The following PRSS55 variants were observed in gnomAD, a reference collection of about 807,000 sequenced individuals.
The protein encoded by PRSS55 is serine protease 55.
Under a neutral mutation model 23.6 loss-of-function variants are expected in PRSS55, and 41 were observed. The observed-to-expected ratio is 1.74, with a 90% CI of 1.35 to 2.26. The LOEUF is 2.26. Ranked by LOEUF, PRSS55 falls within the 30% of genes most tolerant of loss-of-function variation. The pLI is 0.00. For synonymous variants in PRSS55, 262 were observed against 175.5 expected (o/e 1.49, Z -3.90); for missense variants, 669 against 439.1 (o/e 1.52, Z -4.68).
At chr8:10,553,855 T>G in intron 4 of PRSS55, 1 of 839,804 alleles carries the variant, frequency 1.2e-6, no homozygotes, top group Non-Finnish European at 1.8e-6. Context: ...AGTAACCATT[T>G]CACAATGTAT....
chr8:10,543,443 C>T (rs1185024262), downstream of PRSS55, among the ~76,000 whole-genome samples: 2,921 of 19,274 alleles, frequency 0.15, 153 homozygotes, highest in South Asian at 0.29. Flanking sequence ...TTCCTTCCTT[C>T]CATCCTTCCT....
rs775870727 is a variant in PRSS55 at position 10,531,428 on chromosome 8, C to T, written c.481C>T (p.Leu161=). The T allele has an allele frequency of 1.2e-5, 20 of 1,614,116 alleles. No homozygotes were observed. The highest frequency in any genetic ancestry group is 1.5e-5 in the Non-Finnish European group (18 of 1,180,064). Residue 161 remains leucine, a synonymous_variant, in exon 3 of 5, where the codon CTG becomes TTG. Coordinates refer to ENST00000328655, the MANE Select transcript of PRSS55 (RefSeq NM_198464.4). ...ANMDNDIALL[L]LASPIKLDDL... Reference sequence around the variant, plus strand: ...CATGGACAATGACATTGCCTTGCTGCTGCTGGCTTCGCCCATCAAGCTCGA... The same window carrying T: ...CATGGACAATGACATTGCCTTGCTGTTGCTGGCTTCGCCCATCAAGCTCGA...
rs1812545920 is a variant in PRSS55, at chr8:10,538,697, C to T, written c.963C>T (p.Gly321=). 1 of 1,614,026 alleles carries T rather than the reference C, an allele frequency of 6.2e-7. No individual in the cohort carries two copies. Among genetic ancestry groups the T allele is most frequent in the Admixed American group, 1.7e-5 (1 of 60,004 alleles). The change falls in exon 5 of 5, where the codon GGC becomes GGT. Residue 321 remains glycine, a synonymous_variant. Coordinates refer to ENST00000328655, the MANE Select transcript of PRSS55 (RefSeq NM_198464.4). The part of the protein sequence containing the change: ...RRTSVKQKPM[G]SPVSGVPEPG... ...CTTCTGTCAAACAGAAACCTATGGG[C>T]TCCCCAGTCTCGGGAGTCCCAGAGC...
At chr8:10,546,048 C>T (rs928109285) in intron 4 of PRSS55, among the ~76,000 whole-genome samples, 7 of 152,066 alleles carry the variant, frequency 4.6e-5, no homozygotes, top group African/African-American at 1.7e-4. Context: ...AGGAAGACAG[C>T]CCCCATCTGA....
In PRSS55 at chr8:10,529,561, G is replaced by A. The variant is rs147885831; in HGVS notation, c.209G>A (p.Gly70Glu). 4.9e-4 allele frequency: 783 copies of A among 1,614,198 alleles called. 8 individuals carry two copies. The South Asian group carries it at 8.1e-3, about 17-fold the overall frequency. ...EGRTRYSRIT[G>E]GMEAEVGEFP... The stretch of plus-strand genomic sequence containing the variant: ...AGAACTCGGTATTCCAGAATCACAG[G>A]GGGGATGGAGGCGGAGGTGGGTGAG... The change falls in exon 2 of 5, where the codon GGG becomes GAG. Residue 70 changes from glycine (G) to glutamate (E), a missense_variant. Gly to Glu is a moderately conservative substitution (Grantham distance 98). Coordinates refer to ENST00000328655, the MANE Select transcript of PRSS55 (RefSeq NM_198464.4).
At chr8:10,541,125 C>G (rs564323763), downstream of PRSS55, 2 of 152,292 alleles carry the variant, frequency 1.3e-5, no homozygotes, top group African/African-American at 4.8e-5. Flanking sequence ...AAGACCAAGA[C>G]TTCTGCTGGA....
chr8:10,554,096 CT>C, exon 5 of PRSS55: 1 of 1,068,548 alleles, frequency 9.4e-7, no homozygotes, highest in Non-Finnish European at 1.3e-6. Flanking sequence ...TGGGCATAGC[CT>C]TGAGTTGAAA....
At chr8:10,538,898 T>C (rs561336851), downstream of PRSS55, 18 of 1,228,632 alleles carry the variant, frequency 1.5e-5, no homozygotes, top group East Asian at 1.4e-4. Context: ...AAATTGAGGC[T>C]GGGACCAGGA....
intron 1 of PRSS55, among the ~76,000 whole-genome samples, chr8:10,528,705 C>A (rs988539258): frequency 6.6e-6 from 1 of 152,236 alleles, no homozygotes; most frequent in Non-Finnish European, 1.5e-5. Flanking sequence ...AATGACCACA[C>A]ACCTGGCGGC....
intron 2 of PRSS55, 92 bp downstream of exon 2, chr8:10,529,791 C>G (rs192649771): frequency 6.3e-4 from 778 of 1,243,292 alleles, no homozygotes; most frequent in Non-Finnish European, 8.3e-4. Context: ...TGAGAGGAAC[C>G]TGCGACTGCT....
chr8:10,554,002 T>G lies in PRSS55; in HGVS notation c.801T>G (p.Pro267=), dbSNP rs772394091. The G allele has an allele frequency of 1.0e-4, 160 of 1,532,700 alleles. 2 individuals carry two copies. The Middle Eastern group carries it at 3.3e-3, about 32-fold the overall frequency. 94.9% of individuals were successfully genotyped at this position (1,532,700 alleles called of 1,614,324 possible). A position where few individuals can be genotyped will look rare whatever the true frequency, so the allele number is the denominator to read the frequency against. The change falls in exon 5 of 5, where the codon CCT becomes CCG. Residue 267 remains proline, a synonymous_variant. Coordinates refer to the PRSS55 transcript ENST00000522210. Reference sequence around the variant, plus strand: ...CCGGAAGCTCTCAAACAAAGCCGCCTGGGTCTCACACCTTTCATCTGCAAA... The same window carrying G: ...CCGGAAGCTCTCAAACAAAGCCGCCGGGGTCTCACACCTTTCATCTGCAAA...
At chr8:10,541,947 A>T (rs1340440074), downstream of PRSS55, among the ~76,000 whole-genome samples, 2 of 151,926 alleles carry the variant, frequency 1.3e-5, no homozygotes, top group Non-Finnish European at 2.9e-5. Flanking sequence ...CTCATTTTTT[A>T]AAATTTTTTG....
chr8:10,529,824 G>T (rs1812184857), intron 2 of PRSS55, 125 bp downstream of exon 2: 6 of 955,930 alleles, frequency 6.3e-6, no homozygotes, highest in Non-Finnish European at 9.5e-6. Flanking sequence ...GGCATGAATG[G>T]CTCCCACCCA....
chr8:10,532,735 G>GT (rs1812313660), intron 3 of PRSS55, among the ~76,000 whole-genome samples, 171 bp from the exon 4 acceptor site: 1 of 152,080 alleles, frequency 6.6e-6, no homozygotes, highest in Admixed American at 6.5e-5. Context: ...TGTTGGGGGA[G>GT]TGGGTAAGTT....
In PRSS55 at chr8:10,532,953, A is replaced by AT. The variant is rs777017349; in HGVS notation, c.647dup (p.Met217HisfsTer25). On this transcript the variant is annotated frameshift_variant, in exon 4 of 5. Transcript: ENST00000328655. LOFTEE classifies it high-confidence loss of function. The stretch of plus-strand genomic sequence containing the variant: ...GGATCTGATGAAAGCGCCAATGGTC[A>AT]TCATGGACTGGGAGGAGTGTTCAAA... 3.7e-6 allele frequency: 6 copies of AT among 1,614,126 alleles called. No individual in the cohort carries two copies. The highest frequency in any genetic ancestry group is 5.1e-6 in the Non-Finnish European group (6 of 1,180,052).
chr8:10,531,596 G>C (rs546230696), intron 3 of PRSS55, 51 bp downstream of exon 3: 1 of 1,599,188 alleles, frequency 6.3e-7, no homozygotes, highest in Admixed American at 1.7e-5. Context: ...CAATGTGAAG[G>C]AGAGGGGAGG....
Position 10,536,658 on chromosome 8 carries a change from C to T in PRSS55, c.742-1818C>T, listed in dbSNP as rs369131270. On this transcript the variant is annotated intron_variant, in intron 4 of 4. Coordinates refer to ENST00000328655, the MANE Select transcript of PRSS55 (RefSeq NM_198464.4). The stretch of plus-strand genomic sequence containing the variant: ...AACTGGATAAAGAAATTGTGATACA[C>T]GTACACTGTGGAATACTACGAAGCC... Among the ~76,000 whole-genome samples the T allele has an allele frequency of 6.6e-5, 10 of 151,756 alleles. No homozygotes were observed. In the South Asian group the frequency reaches 1.3e-3, roughly 19 times the overall value.
intron 1 of PRSS55, among the ~76,000 whole-genome samples, chr8:10,527,573 A>G (rs1258631305): frequency 6.6e-6 from 1 of 152,208 alleles, no homozygotes; most frequent in Non-Finnish European, 1.5e-5. Flanking sequence ...TGAAGAAGGG[A>G]TTCTTGGGCG....
intron 1 of PRSS55, among the ~76,000 whole-genome samples, chr8:10,526,098 G>C (rs548060478): frequency 1.3e-5 from 2 of 152,148 alleles, no homozygotes; most frequent in Non-Finnish European, 2.9e-5. Context: ...GGGATGCCTA[G>C]CTCAGTCAGG....
Sources: allele counts gnomAD v4.1 joint callset (sites outside exome capture counted in the v4.1 genomes callset), GRCh38; gene constraint gnomAD v4.1.1; transcripts MANE v1.5; gene names NCBI Gene and HGNC (gene_info 2026-07-23, HGNC 2026-07-21).